STXBP3: variants seen among roughly 807,000 people sequenced by gnomAD.
STXBP3 encodes the protein syntaxin binding protein 3.
A neutral mutation model predicts 85.7 loss-of-function variants in STXBP3; 41 were observed. The observed-to-expected ratio is 0.48, with a 90% CI of 0.37 to 0.62. STXBP3 has a LOEUF of 0.62. Among genes scored for constraint, STXBP3 ranks in the 20% least tolerant of loss-of-function variants. STXBP3 has a pLI of 0.00. For synonymous variants in STXBP3, 229 were observed against 231.7 expected, an observed-to-expected ratio of 0.99 and a Z score of 0.10; for missense variants, 563 against 703.1, an observed-to-expected ratio of 0.80 and a Z score of 2.25.
At chr1:108,797,511 C>A (rs983883630) in intron 15 of STXBP3, among the ~76,000 whole-genome samples, 2 of 146,144 alleles carry the variant, frequency 1.4e-5, no homozygotes, top group African/African-American at 5.1e-5. Context: ...CTCCCAGGTT[C>A]AAGCAACTTT....
intron 18 of STXBP3, 63 bp from the exon 19 acceptor site, chr1:108,808,720 T>A: frequency 7.7e-7 from 1 of 1,293,980 alleles, no homozygotes. Flanking sequence ...CAACACATTA[T>A]ATTAAGCGAA....
At position 108,765,570 on chromosome 1, in the gene STXBP3, A is replaced by ATTTTTTTTTT. The variant is rs35813823; in HGVS notation, c.438+5498_438+5507dup. Among the ~76,000 whole-genome samples, 2 of 67,168 alleles carry ATTTTTTTTTT rather than the reference A, an allele frequency of 3.0e-5. 1 individual carries two copies. The allele number at this position is 67,168 out of a possible 152,430, so 44.1% of individuals were successfully genotyped here. ...TCATGGTAAAAAGCACCACATGCTA[A>ATTTTTTTTTT]TTTTTTTTTTTTTTTTTTTTTTGAG... On this transcript the variant is annotated intron_variant, in intron 6 of 18. Coordinates refer to ENST00000370008, the MANE Select transcript of STXBP3 (RefSeq NM_007269.4).
At chr1:108,770,469 T>C (rs1370647981) in intron 6 of STXBP3, among the ~76,000 whole-genome samples, 1 of 129,796 alleles carries the variant, frequency 7.7e-6, no homozygotes, top group Non-Finnish European at 1.7e-5. Context: ...AGGGTGCTTG[T>C]TGACAATTAA....
intron 3 of STXBP3, 128 bp downstream of exon 3, chr1:108,753,272 G>A: frequency 3.6e-6 from 2 of 553,544 alleles, no homozygotes; most frequent in Non-Finnish European, 5.9e-6. Flanking sequence ...ATAACTATTA[G>A]ATTTAACATT....
intron 17 of STXBP3, among the ~76,000 whole-genome samples, chr1:108,806,907 G>C (rs1331858395): frequency 1.3e-5 from 2 of 151,178 alleles, no homozygotes; most frequent in African/African-American, 4.8e-5. Flanking sequence ...AAATGTGGCT[G>C]TCCTGCTTAA....
intron 1 of STXBP3, among the ~76,000 whole-genome samples, chr1:108,748,127 C>G: frequency 6.6e-6 from 1 of 151,910 alleles, no homozygotes; most frequent in Non-Finnish European, 1.5e-5. Context: ...TTTTTTTAAA[C>G]AACTGACATT....
chr1:108,772,952 T>C (rs1466866090), intron 7 of STXBP3, 133 bp downstream of exon 7: 2 of 813,000 alleles, frequency 2.5e-6, no homozygotes, highest in East Asian at 3.6e-5. Flanking sequence ...GCTCTACATA[T>C]AGGAGATTTA....
chr1:108,799,035 G>A (rs1663174642), intron 16 of STXBP3, among the ~76,000 whole-genome samples: 1 of 152,134 alleles, frequency 6.6e-6, no homozygotes, highest in Non-Finnish European at 1.5e-5. Flanking sequence ...ATTATAAAAT[G>A]AGCTAATTTT....
intron 11 of STXBP3, among the ~76,000 whole-genome samples, chr1:108,789,784 G>A (rs1362014388): frequency 6.6e-6 from 1 of 151,818 alleles, no homozygotes; most frequent in Non-Finnish European, 1.5e-5. Context: ...TGATTTATGG[G>A]GCTGGGCATG....
intron 17 of STXBP3, 29 bp from the exon 18 acceptor site, chr1:108,807,372 T>C (rs767594829): frequency 2.5e-6 from 4 of 1,589,074 alleles, no homozygotes; most frequent in Non-Finnish European, 3.4e-6. Context: ...ATAACATGTT[T>C]ACTTTTTTTT....
At chr1:108,783,308 C>G (rs1187583248) in intron 11 of STXBP3, among the ~76,000 whole-genome samples, 1 of 152,100 alleles carries the variant, frequency 6.6e-6, no homozygotes, top group South Asian at 2.1e-4. Context: ...CTTATATATA[C>G]CCTTGAAACC....
In STXBP3 at chr1:108,776,430, T is replaced by C. The variant is rs1027381668; in HGVS notation, c.684+7T>C. On this transcript the variant is annotated splice_region_variant and intron_variant, in intron 8 of 18. Transcript: ENST00000370008. Reference sequence around the variant, plus strand: ...TGAAAAGAGCCTAATAAAGGTAATGTATGCAAGGCAAGTAATGACTATGCA... The same window carrying C: ...TGAAAAGAGCCTAATAAAGGTAATGCATGCAAGGCAAGTAATGACTATGCA... 1 of 1,588,880 alleles carries C rather than the reference T, an allele frequency of 6.3e-7. No individual in the cohort carries two copies. The highest frequency in any genetic ancestry group is 8.6e-7 in the Non-Finnish European group (1 of 1,165,216).
At chr1:108,801,567 T>C (rs1663232828) in intron 17 of STXBP3, among the ~76,000 whole-genome samples, 2 of 152,200 alleles carry the variant, frequency 1.3e-5, no homozygotes, top group Non-Finnish European at 2.9e-5. Flanking sequence ...TTCAAGCCTG[T>C]ATGGCTTCCA....
In STXBP3 at chr1:108,758,543, A is replaced by G; in HGVS notation, c.292A>G (p.Lys98Glu). The part of the protein sequence containing the change: ...VDCFLHDFAS[K>E]SENKYKAAYI... ...TTGTTTCTTACATGATTTTGCAAGT[A>G]AATCGGAGAACAAGTATAAAGCAGC... Residue 98 changes from lysine to glutamate, a missense_variant, in exon 5 of 19, where the codon AAA becomes GAA. By Grantham distance (56) the Lys-to-Glu change is moderately conservative (BLOSUM62 1). Transcript: ENST00000370008. 6.5e-7 allele frequency: 1 copy of G among 1,547,448 alleles called. No homozygotes were observed. The highest frequency in any genetic ancestry group is 2.3e-5 in the East Asian group (1 of 43,538).
intron 17 of STXBP3, among the ~76,000 whole-genome samples, chr1:108,801,052 C>G (rs1020841642): frequency 6.6e-6 from 1 of 152,110 alleles, no homozygotes; most frequent in Non-Finnish European, 1.5e-5. Flanking sequence ...TTGACATTGT[C>G]CTGTGAGTTA....
At chr1:108,772,132 TATG>T (rs372544622) in intron 6 of STXBP3, among the ~76,000 whole-genome samples, 13 of 48,090 alleles carry the variant, frequency 2.7e-4, no homozygotes, top group African/African-American at 5.1e-4. Context: ...TATAAATACA[TATG>T]ATATCTATCT....
chr1:108,748,795 C>G (rs1232606797), intron 1 of STXBP3, among the ~76,000 whole-genome samples: 1 of 152,090 alleles, frequency 6.6e-6, no homozygotes, highest in Non-Finnish European at 1.5e-5. Context: ...TCATGCCACT[C>G]AATTCAGCCT....
chr1:108,805,978 A>G (rs570024930), intron 17 of STXBP3, among the ~76,000 whole-genome samples: 2 of 152,378 alleles, frequency 1.3e-5, no homozygotes, highest in South Asian at 2.1e-4. Context: ...GTGGCTCTCA[A>G]AGTAGGTAAC....
At chr1:108,758,744 T>A (rs1662070581) in intron 5 of STXBP3, among the ~76,000 whole-genome samples, 156 bp downstream of exon 5, 1 of 152,200 alleles carries the variant, frequency 6.6e-6, no homozygotes, top group Admixed American at 6.5e-5. Flanking sequence ...TTGTTCTAAT[T>A]AGGCTAGAAA....
Sources: gnomAD v4.1 joint callset for allele counts (sites outside exome capture counted in the v4.1 genomes callset) on GRCh38, gnomAD v4.1.1 for gene constraint, MANE v1.5 for transcripts, NCBI Gene and HGNC (gene_info 2026-07-23, HGNC 2026-07-21) for gene names.